The following KCNQ3 variants were observed in gnomAD, a reference collection of about 807,000 sequenced individuals.
The protein encoded by KCNQ3 is potassium voltage-gated channel subfamily KQT member 3.
KCNQ3 carries 30 observed loss-of-function variants against 92.5 expected under a neutral mutation model. That is an observed-to-expected ratio of 0.32 (90% CI 0.24 to 0.44). KCNQ3 has a LOEUF of 0.44. KCNQ3 is among the 20% of genes least tolerant of loss of function. The pLI is 1.00. For synonymous variants in KCNQ3, 450 were observed against 468.8 expected (o/e 0.96, Z 0.52); for missense variants, 913 against 1,140.3 (o/e 0.80, Z 2.87).
chr8:132,288,420 C>A (rs1345917273), intron 1 of KCNQ3, among the ~76,000 whole-genome samples: 1 of 152,130 alleles, frequency 6.6e-6, no homozygotes, highest in African/African-American at 2.4e-5. Flanking sequence ...CCTTTAGGAA[C>A]TTCTTCTATA....
rs184116832 is a variant in KCNQ3, at chr8:132,371,487, C to T, written c.386+108660G>A. On this transcript the variant is annotated intron_variant, in intron 1 of 14. Transcript: ENST00000388996. ...CCCAAAGGAGGAGATGTCTGACCTG[C>T]GTCATCAAGGATGAGATGGAAATGA... 3.9e-5 allele frequency among the ~76,000 whole-genome samples: 6 copies of T among 152,258 alleles called. No individual in the cohort carries two copies. In the South Asian group the frequency reaches 8.3e-4, roughly 21 times the overall value.
intron 11 of KCNQ3, 41 bp downstream of exon 11, chr8:132,140,035 G>A: frequency 7.4e-7 from 1 of 1,348,452 alleles, no homozygotes; most frequent in Non-Finnish European, 1.0e-6. Context: ...AGCTGGAGCG[G>A]GGGAGGCACA....
chr8:132,349,981 T>C (rs1818809791), intron 1 of KCNQ3, among the ~76,000 whole-genome samples: 1 of 152,224 alleles, frequency 6.6e-6, no homozygotes, highest in Non-Finnish European at 1.5e-5. Flanking sequence ...TCAAGCGAGA[T>C]CATGCTTCAT....
intron 1 of KCNQ3, among the ~76,000 whole-genome samples, chr8:132,383,984 C>T (rs545927354): frequency 6.6e-6 from 1 of 151,858 alleles, no homozygotes; most frequent in Non-Finnish European, 1.5e-5. Flanking sequence ...CTACAATTTG[C>T]TGTAATGCAC....
intron 1 of KCNQ3, among the ~76,000 whole-genome samples, chr8:132,439,203 T>G (rs1821468597): frequency 6.6e-6 from 1 of 151,914 alleles, no homozygotes; most frequent in Non-Finnish European, 1.5e-5. Flanking sequence ...ACATGACTTC[T>G]GGACTGAGCG....
chr8:132,183,834 C>T (rs1302096718), intron 3 of KCNQ3, among the ~76,000 whole-genome samples: 1 of 152,202 alleles, frequency 6.6e-6, no homozygotes, highest in East Asian at 1.9e-4. Flanking sequence ...AGATTCTCAG[C>T]CAGCAACGGT....
chr8:132,389,557 C>CT (rs1488428230), intron 1 of KCNQ3, among the ~76,000 whole-genome samples: 2 of 152,126 alleles, frequency 1.3e-5, no homozygotes, highest in Non-Finnish European at 2.9e-5. Flanking sequence ...TAACAAAGGG[C>CT]TTGTATCCAG....
chr8:132,307,717 C>T (rs72719199), intron 1 of KCNQ3, among the ~76,000 whole-genome samples: 21 of 152,302 alleles, frequency 1.4e-4, no homozygotes, highest in Non-Finnish European at 2.5e-4. Context: ...TATTCCCCAA[C>T]AAGCTTAGCC....
At chr8:132,140,632 A>G (rs1825261735) in intron 10 of KCNQ3, 1 of 248,168 alleles carries the variant, frequency 4.0e-6, no homozygotes, top group East Asian at 1.0e-4. Flanking sequence ...TGAATGATAC[A>G]ATGAGGATTG....
intron 1 of KCNQ3, among the ~76,000 whole-genome samples, chr8:132,279,279 C>T (rs905133897): frequency 3.3e-5 from 5 of 152,138 alleles, no homozygotes; most frequent in African/African-American, 1.2e-4. Context: ...AATATTTGAT[C>T]TAGGGTGTGA....
chr8:132,129,424 G>T lies in KCNQ3; in HGVS notation c.2457C>A (p.Gly819=). 4.3e-6 allele frequency: 7 copies of T among 1,614,188 alleles called. No individual in the cohort carries two copies. The highest frequency in any genetic ancestry group is 5.9e-6 in the Non-Finnish European group (7 of 1,180,034). The change falls in exon 15 of 15, where the codon GGC becomes GGA. Residue 819 remains glycine (G), a synonymous_variant. Transcript: ENST00000388996. This position sits in a 1 kb window ranked among gnomAD's most constrained non-coding sequence, Gnocchi z 5.9. ...ISQDRDDYVF[G]PNGGSSWMRE... is the part of the protein sequence containing the mutation. ...TCATCCAGCTCGACCCCCCATTGGG[G>T]CCGAACACATAATCATCTCTGTCCT...
chr8:132,183,509 C>A (rs977456617), intron 3 of KCNQ3, among the ~76,000 whole-genome samples: 1 of 149,982 alleles, frequency 6.7e-6, no homozygotes, highest in African/African-American at 2.4e-5. Flanking sequence ...GTAATTCCAA[C>A]CTTCCCATGG....
chr8:132,323,070 G>A (rs1034333928), intron 1 of KCNQ3, among the ~76,000 whole-genome samples: 11 of 152,194 alleles, frequency 7.2e-5, no homozygotes, highest in Admixed American at 1.3e-4. Context: ...TCACGGATCC[G>A]GGAAGCTTCC....
intron 1 of KCNQ3, among the ~76,000 whole-genome samples, chr8:132,234,066 C>T (rs548548777): frequency 4.6e-5 from 7 of 152,220 alleles, no homozygotes; most frequent in South Asian, 4.2e-4. Context: ...CAGGACAAAC[C>T]GGGACATGTG....
Position 132,172,604 on chromosome 8 carries a change from G to A in KCNQ3, c.1134C>T (p.Leu378=), listed in dbSNP as rs1826413033. The A allele has an allele frequency of 6.2e-7, 1 of 1,613,748 alleles. No individual in the cohort carries two copies. The highest frequency in any genetic ancestry group is 1.7e-5 in the Admixed American group (1 of 60,008). Residue 378 remains leucine (L), a synonymous_variant, in exon 7 of 15, where the codon CTC becomes CTT. Transcript: ENST00000388996. ...FEKRRKPAAE[L]IQAAWRYYAT... Reference sequence around the variant, plus strand: ...CATTCCCAGGCAGACAGACCTGAATGAGCTCAGCAGCTGGCTTCCTCCTTT... The same window carrying A: ...CATTCCCAGGCAGACAGACCTGAATAAGCTCAGCAGCTGGCTTCCTCCTTT...
intron 1 of KCNQ3, among the ~76,000 whole-genome samples, chr8:132,235,790 G>C (rs771562325): frequency 6.6e-6 from 1 of 152,186 alleles, no homozygotes; most frequent in East Asian, 1.9e-4. Flanking sequence ...GCATCATTTA[G>C]ATCTCAGCCA....
intron 1 of KCNQ3, among the ~76,000 whole-genome samples, chr8:132,403,875 C>T (rs775515270): frequency 9.9e-5 from 15 of 152,158 alleles, no homozygotes; most frequent in Admixed American, 9.2e-4. Context: ...CCTTGGGAAA[C>T]CTCATGAAAC....
intron 1 of KCNQ3, among the ~76,000 whole-genome samples, chr8:132,265,886 G>T (rs1234785528): frequency 6.6e-6 from 1 of 152,122 alleles, no homozygotes; most frequent in Non-Finnish European, 1.5e-5. Flanking sequence ...TCATTTAAAT[G>T]GTAAGCTCCT....
intron 1 of KCNQ3, among the ~76,000 whole-genome samples, chr8:132,199,160 C>A (rs1827385703): frequency 6.6e-6 from 1 of 152,050 alleles, no homozygotes; most frequent in Non-Finnish European, 1.5e-5. Context: ...ACAGCAGGGT[C>A]ATTGACAGGT....
Sources: allele counts gnomAD v4.1 joint callset (sites outside exome capture counted in the v4.1 genomes callset), GRCh38; gene constraint gnomAD v4.1.1; non-coding constraint Gnocchi (gnomAD v3.1); transcripts MANE v1.5; gene names NCBI Gene and HGNC (gene_info 2026-07-23, HGNC 2026-07-21).